M6PR: variants seen among roughly 807,000 people sequenced by gnomAD.
The protein encoded by M6PR is cation-dependent mannose-6-phosphate receptor.
M6PR carries 19 observed loss-of-function variants against 33.1 expected under a neutral mutation model. The observed-to-expected ratio is 0.57, with a 90% CI of 0.40 to 0.84. The LOEUF is 0.84. M6PR is among the 40% of genes least tolerant of loss of function. The probability of loss-of-function intolerance (pLI) is 0.00; values close to 1 mark genes in which losing one functional copy is unlikely to be tolerated. For missense variants in M6PR, 295 were observed against 336.0 expected (o/e 0.88, Z 0.95); for synonymous variants, 111 against 123.4 (o/e 0.90, Z 0.67).
rs1250825760 is a variant in M6PR at position 8,949,186 on chromosome 12, C to A, written c.-2+302G>T. Among the ~76,000 whole-genome samples the A allele has an allele frequency of 6.6e-6, 1 of 152,144 alleles. No homozygotes were observed. The highest frequency in any genetic ancestry group is 6.5e-5 in the Admixed American group (1 of 15,280). On this transcript the variant is annotated intron_variant, in intron 1 of 6. Coordinates refer to ENST00000000412, the MANE Select transcript of M6PR (RefSeq NM_002355.4). This position sits in a 1 kb window ranked among gnomAD's most constrained non-coding sequence, Gnocchi z 5.6. ...CCCACCGTGATGCAGGCCAAAATTCCTCCTACAAATAAATCCACCAACACC... is the reference window on the plus strand; with the variant it reads ...CCCACCGTGATGCAGGCCAAAATTCATCCTACAAATAAATCCACCAACACC...
intron 3 of M6PR, chr12:8,945,108 A>G (rs886688588): frequency 4.3e-5 from 10 of 230,054 alleles, no homozygotes; most frequent in Non-Finnish European, 1.7e-5. Flanking sequence ...CAGTGAGCCG[A>G]GATTGTGCCA....
intron 2 of M6PR, 59 bp from the exon 3 acceptor site, chr12:8,945,643 A>G: frequency 7.1e-7 from 1 of 1,404,996 alleles, no homozygotes; most frequent in South Asian, 1.2e-5. Context: ...CCTCAGGAAT[A>G]ACAGCATCCC....
At chr12:8,946,025 T>G (rs1381157789) in intron 2 of M6PR, among the ~76,000 whole-genome samples, 1 of 152,214 alleles carries the variant, frequency 6.6e-6, no homozygotes, top group Admixed American at 6.5e-5. Flanking sequence ...AATCCTTAAA[T>G]TTCTACAAGC....
Position 8,949,018 on chromosome 12 carries a change from C to T in M6PR, c.-2+470G>A, listed in dbSNP as rs183866312. Among the ~76,000 whole-genome samples the T allele has an allele frequency of 5.3e-4, 81 of 152,340 alleles. No individual in the cohort carries two copies. The East Asian group carries it at 0.012, about 22-fold the overall frequency. Reference sequence around the variant, plus strand: ...CCCACAACGAGGAACACAAGATAATCCGTCCATCAGCCATTCTTATCCACA... The same window carrying T: ...CCCACAACGAGGAACACAAGATAATTCGTCCATCAGCCATTCTTATCCACA... On this transcript the variant is annotated intron_variant, in intron 1 of 6. Transcript: ENST00000000412. The surrounding 1 kb of genome is among the most constrained non-coding windows in gnomAD (Gnocchi z 5.6).
rs759574090 is a variant in M6PR at position 8,946,366 on chromosome 12, T to TAGC, written c.36_38dup (p.Leu17dup). 5 of 1,613,894 alleles carry TAGC rather than the reference T, an allele frequency of 3.1e-6. No homozygotes were observed. In the African/African-American group the frequency reaches 6.7e-5, roughly 22 times the overall value. ...TCACTGCCACAGCCAGGAGTAGTAG[T>TAGC]AGCAGTCCAGTCCTCCAGCAGCTGT... On this transcript the variant is annotated inframe_insertion, in exon 2 of 7. Transcript: ENST00000000412.
rs1946028405 is a variant in M6PR at position 8,942,403 on chromosome 12, C to T, written c.711+13G>A. 1.9e-6 allele frequency: 3 copies of T among 1,614,126 alleles called. No homozygotes were observed. The highest frequency in any genetic ancestry group is 2.5e-6 in the Non-Finnish European group (3 of 1,180,000). On this transcript the variant is annotated intron_variant, in intron 6 of 6. Transcript: ENST00000000412. Reference sequence around the variant, plus strand: ...TGCAGGCTACAAATTCAACCAGCTGCCCTGTTACTTACTGCTACCAGGTTG... The same window carrying T: ...TGCAGGCTACAAATTCAACCAGCTGTCCTGTTACTTACTGCTACCAGGTTG...
intron 1 of M6PR, chr12:8,946,644 T>C (rs1946098828): frequency 2.7e-6 from 1 of 367,546 alleles, no homozygotes; most frequent in Admixed American, 4.3e-5. Context: ...CAGAACAAAC[T>C]ACAAAGTTGG....
rs1945994513 is a variant in M6PR, at chr12:8,941,053, A to AC, written c.*764dup. The AC allele has an allele frequency of 7.7e-6, 1 of 129,346 alleles. No homozygotes were observed. The highest frequency in any genetic ancestry group is 1.6e-5 in the Non-Finnish European group (1 of 62,940). 8.0% of individuals were successfully genotyped at this position (129,346 alleles called of 1,614,324 possible). A position where few individuals can be genotyped will look rare whatever the true frequency, so the allele number is the denominator to read the frequency against. On this transcript the variant is annotated 3_prime_UTR_variant, in exon 7 of 7. Coordinates refer to ENST00000000412, the MANE Select transcript of M6PR (RefSeq NM_002355.4). ...TTCCCTTTTCTGGAACCCCTGTGGC[A>AC]CAGGAGTACCAATTTTCCTTTCCAA...
chr12:8,948,440 TACTG>T (rs1946135176), intron 1 of M6PR, among the ~76,000 whole-genome samples: 2 of 152,220 alleles, frequency 1.3e-5, no homozygotes, highest in African/African-American at 4.8e-5. Flanking sequence ...TGTGTGAAGT[TACTG>T]GGGCAATTTA....
chr12:8,947,451 TC>T (rs1372508095), intron 1 of M6PR, among the ~76,000 whole-genome samples: 2 of 152,080 alleles, frequency 1.3e-5, no homozygotes, highest in Non-Finnish European at 2.9e-5. Context: ...CTACCTGACT[TC>T]CTGTACCCCA....
At position 8,949,159 on chromosome 12, in the gene M6PR, C is replaced by T. The variant is rs1188665028; in HGVS notation, c.-2+329G>A. Among the ~76,000 whole-genome samples, 1 of 152,120 alleles carries T rather than the reference C, an allele frequency of 6.6e-6. No individual in the cohort carries two copies. The highest frequency in any genetic ancestry group is 1.5e-5 in the Non-Finnish European group (1 of 68,026). ...CCCTCTCCAAATGATGCCACTTGAC[C>T]TCCCACCGTGATGCAGGCCAAAATT... On this transcript the variant is annotated intron_variant, in intron 1 of 6. Coordinates refer to ENST00000000412, the MANE Select transcript of M6PR (RefSeq NM_002355.4). The surrounding 1 kb of genome is among the most constrained non-coding windows in gnomAD (Gnocchi z 5.6).
chr12:8,942,637 GA>G, intron 5 of M6PR, 95 bp from the exon 6 acceptor site: 1 of 1,328,342 alleles, frequency 7.5e-7, no homozygotes, highest in Non-Finnish European at 1.0e-6. Flanking sequence ...TGTTTCCTAA[GA>G]TACATTCCCT....
chr12:8,947,769 T>G (rs1031944767), intron 1 of M6PR, among the ~76,000 whole-genome samples: 7 of 151,836 alleles, frequency 4.6e-5, no homozygotes, highest in Non-Finnish European at 8.8e-5. Flanking sequence ...GTTGAACAAC[T>G]ACATGTATAT....
Position 8,942,561 on chromosome 12 carries a change from A to T in M6PR, c.585-19T>A. 1 of 1,611,976 alleles carries T rather than the reference A, an allele frequency of 6.2e-7. No homozygotes were observed. ...TGCAAACCTGTAGAGAGAGAAAGACATCTATACTTAAGAACTGGGAAATAG... is the reference window on the plus strand; with the variant it reads ...TGCAAACCTGTAGAGAGAGAAAGACTTCTATACTTAAGAACTGGGAAATAG... On this transcript the variant is annotated intron_variant, in intron 5 of 6. Transcript: ENST00000000412.
At chr12:8,944,242 TC>T (rs1946065041) in intron 3 of M6PR, among the ~76,000 whole-genome samples, 1 of 152,210 alleles carries the variant, frequency 6.6e-6, no homozygotes, top group Admixed American at 6.5e-5. Flanking sequence ...AAAAAGAGGT[TC>T]CATACAATTG....
chr12:8,943,360 AC>A, intron 5 of M6PR, 44 bp downstream of exon 5: 1 of 1,611,230 alleles, frequency 6.2e-7, no homozygotes, highest in Non-Finnish European at 8.5e-7. Flanking sequence ...GACCTTAAAA[AC>A]AAAAGGAAGG....
rs756496193 is a variant in M6PR, at chr12:8,941,950, G to GA, written c.712-11dup. On this transcript the variant is annotated splice_polypyrimidine_tract_variant and intron_variant, in intron 6 of 6. Coordinates refer to ENST00000000412, the MANE Select transcript of M6PR (RefSeq NM_002355.4). ...CAAAGTCACAGCCATCCTGTAGGGGGAAAAAAAAGAAGGAAATAATTCGCA... is the reference window on the plus strand; with the variant it reads ...CAAAGTCACAGCCATCCTGTAGGGGGAAAAAAAAAGAAGGAAATAATTCGCA... 13 of 1,611,856 alleles carry GA rather than the reference G, an allele frequency of 8.1e-6. No individual in the cohort carries two copies. The highest frequency in any genetic ancestry group is 5.4e-5 in the African/African-American group (4 of 74,280).
chr12:8,945,439 C>T lies in M6PR; in HGVS notation c.322G>A (p.Glu108Lys), dbSNP rs769734088. 6.2e-6 allele frequency: 10 copies of T among 1,613,924 alleles called. No homozygotes were observed. The highest frequency in any genetic ancestry group is 2.2e-5 in the East Asian group (1 of 44,882). The change falls in exon 3 of 7, where the codon GAG (glutamate) becomes AAG (lysine). Residue 108 changes from glutamate to lysine, a missense_variant. Glu to Lys is a moderately conservative substitution (Grantham distance 56). Transcript: ENST00000000412. Reference protein sequence around the residue: ...GKETVVGRLNETHIFNGSNWI... With the variant: ...GKETVVGRLNKTHIFNGSNWI... Reference sequence around the variant, plus strand: ...TTACTTCCGTTGAAGATGTGAGTCTCGTTGAGTCTCCCTACCACTGTCTCC... The same window carrying T: ...TTACTTCCGTTGAAGATGTGAGTCTTGTTGAGTCTCCCTACCACTGTCTCC...
intron 3 of M6PR, 77 bp downstream of exon 3, chr12:8,945,334 AAACGGCC>A: frequency 6.8e-7 from 1 of 1,461,032 alleles, no homozygotes; most frequent in East Asian, 2.3e-5. Flanking sequence ...AAGACACTAG[AAACGGCC>A]AAGACATACA....
Sources: gnomAD v4.1 joint callset for allele counts (sites outside exome capture counted in the v4.1 genomes callset) on GRCh38, gnomAD v4.1.1 for gene constraint, Gnocchi (gnomAD v3.1) non-coding constraint, MANE v1.5 for transcripts, NCBI Gene and HGNC (gene_info 2026-07-23, HGNC 2026-07-21) for gene names.